SLIRP: variants seen among roughly 807,000 people sequenced by gnomAD.
SLIRP encodes SRA stem-loop interacting RNA binding protein.
A neutral mutation model predicts 13.4 loss-of-function variants in SLIRP; 12 were observed. The observed-to-expected ratio is 0.89, with a 90% CI of 0.57 to 1.45. The LOEUF (loss-of-function observed/expected upper bound fraction) is 1.45, where lower values mean the gene tolerates loss of function less well. Ranked by LOEUF, SLIRP falls within the 40% of genes most tolerant of loss-of-function variation. The pLI, the probability that SLIRP is intolerant of heterozygous loss-of-function variation, is 0.00. For synonymous variants in SLIRP, 55 were observed against 47.1 expected (o/e 1.17, Z -0.69); for missense variants, 154 against 132.2 (o/e 1.17, Z -0.81).
At chr14:77,715,937 A>G in intron 3 of SLIRP, 58 bp downstream of exon 3, 1 of 1,240,276 alleles carries the variant, frequency 8.1e-7, no homozygotes, top group Middle Eastern at 1.9e-4. Context: ...CTATTTAATT[A>G]TGTATCAATT....
At chr14:77,712,468 G>A (rs1376367727) in intron 2 of SLIRP, among the ~76,000 whole-genome samples, 2 of 133,660 alleles carry the variant, frequency 1.5e-5, no homozygotes, top group South Asian at 2.4e-4. Context: ...TTTTTGAGAC[G>A]GAGTCTCACT....
In SLIRP at chr14:77,710,403, A is replaced by G. The variant is rs541952139; in HGVS notation, c.98-435A>G. On this transcript the variant is annotated intron_variant, in intron 1 of 3. Transcript: ENST00000557342. Reference sequence around the variant, plus strand: ...GAGTAACTAGGGGCTAGCAGTGGGAAATAAGGCAGGAAGGGTAGGTGAGGG... The same window carrying G: ...GAGTAACTAGGGGCTAGCAGTGGGAGATAAGGCAGGAAGGGTAGGTGAGGG... Among the ~76,000 whole-genome samples the G allele has an allele frequency of 1.8e-3, 272 of 152,314 alleles. 1 individual carries two copies. The highest frequency in any genetic ancestry group is 6.2e-3 in the African/African-American group (257 of 41,574).
rs369975262 is a variant in SLIRP at position 77,713,210 on chromosome 14, CAA to C, written c.156+2315_156+2316del. 3.7e-4 allele frequency among the ~76,000 whole-genome samples: 56 copies of C among 152,214 alleles called. 2 individuals are homozygous for C. In the East Asian group the frequency reaches 8.9e-3, roughly 24 times the overall value. On this transcript the variant is annotated intron_variant, in intron 2 of 3. Coordinates refer to ENST00000557342, the MANE Select transcript of SLIRP (RefSeq NM_031210.6). ...TTTTTTAGATTTATAACTAATAAAA[CAA>C]TATTTTTATATTAATTACATTTCCT...
intron 1 of SLIRP, 74 bp from the exon 2 acceptor site, chr14:77,710,764 C>A: frequency 6.3e-7 from 1 of 1,594,106 alleles, no homozygotes; most frequent in Non-Finnish European, 8.6e-7. Flanking sequence ...ATCTGGTGAC[C>A]CTGTCTTTCT....
intron 2 of SLIRP, among the ~76,000 whole-genome samples, chr14:77,715,355 G>A (rs1395941693): frequency 1.3e-5 from 2 of 152,156 alleles, no homozygotes; most frequent in Non-Finnish European, 2.9e-5. Flanking sequence ...TCTGTGATCC[G>A]ATTTTTGGCT....
intron 2 of SLIRP, among the ~76,000 whole-genome samples, chr14:77,715,543 G>A (rs755370448): frequency 1.3e-5 from 2 of 152,106 alleles, no homozygotes; most frequent in African/African-American, 2.4e-5. Context: ...TACTGAAGAG[G>A]CTGAGGTGGG....
chr14:77,712,721 C>T (rs1049198931), intron 2 of SLIRP, among the ~76,000 whole-genome samples: 4 of 152,174 alleles, frequency 2.6e-5, no homozygotes, highest in African/African-American at 9.7e-5. Context: ...GCTGGGATTA[C>T]AGGTGTGAGC....
At position 77,710,851 on chromosome 14, in the gene SLIRP, A is replaced by G. The variant is rs1489645532; in HGVS notation, c.111A>G (p.Glu37=). 6.2e-7 allele frequency: 1 copy of G among 1,614,180 alleles called. No individual in the cohort carries two copies. Among genetic ancestry groups the G allele is most frequent in the South Asian group, 1.1e-5 (1 of 91,086 alleles). ...TCTGCCACACAGGTCAGCTGAAAGA[A>G]CACTTTGCACAGTTCGGCCATGTCA... ...PWTAASSQLK[E]HFAQFGHVRR... is the part of the protein sequence containing the mutation. Residue 37 remains glutamate, a synonymous_variant, in exon 2 of 4, where the codon GAA becomes GAG. Coordinates refer to ENST00000557342, the MANE Select transcript of SLIRP (RefSeq NM_031210.6).
chr14:77,710,995 A>G, intron 2 of SLIRP, 99 bp downstream of exon 2: 1 of 959,898 alleles, frequency 1.0e-6, no homozygotes, highest in Admixed American at 2.0e-5. Context: ...CAGGGTGACT[A>G]TGGTCAATAA....
intron 2 of SLIRP, among the ~76,000 whole-genome samples, chr14:77,713,329 T>C (rs1475669514): frequency 3.3e-5 from 5 of 152,212 alleles, no homozygotes; most frequent in Non-Finnish European, 1.5e-5. Flanking sequence ...TGTGAGTACA[T>C]AGAGTTCACA....
At chr14:77,708,657 G>T (rs191416517) in intron 1 of SLIRP, among the ~76,000 whole-genome samples, 1 of 152,184 alleles carries the variant, frequency 6.6e-6, no homozygotes, top group Non-Finnish European at 1.5e-5. Context: ...ATGCCGTTTC[G>T]TGATGGCTTA....
intron 1 of SLIRP, 109 bp from the exon 2 acceptor site, chr14:77,710,729 G>A (rs1374156959): frequency 3.2e-6 from 5 of 1,574,378 alleles, no homozygotes; most frequent in African/African-American, 2.7e-5. Context: ...TTAAGGAAAT[G>A]CAAAGTAGTT....
chr14:77,715,661 A>T, intron 2 of SLIRP, 111 bp from the exon 3 acceptor site: 1 of 875,212 alleles, frequency 1.1e-6, no homozygotes, highest in Non-Finnish European at 1.8e-6. Context: ...AAATAAAATT[A>T]AATTAAAAAG....
chr14:77,717,484 T>G lies in SLIRP; in HGVS notation c.265-12T>G, dbSNP rs773728355. 1 of 1,611,532 alleles carries G rather than the reference T, an allele frequency of 6.2e-7. No individual in the cohort carries two copies. The highest frequency in any genetic ancestry group is 1.1e-5 in the South Asian group (1 of 90,350). The stretch of plus-strand genomic sequence containing the variant: ...ATTGCCTTTCCTCCCTTACAGTGCT[T>G]ATTTTTTTAAGGTCCAGGTTCACAC... On this transcript the variant is annotated splice_polypyrimidine_tract_variant and intron_variant, in intron 3 of 3. Coordinates refer to ENST00000557342, the MANE Select transcript of SLIRP (RefSeq NM_031210.6).
chr14:77,712,715 G>A (rs1235549362), intron 2 of SLIRP, among the ~76,000 whole-genome samples: 1 of 152,112 alleles, frequency 6.6e-6, no homozygotes, highest in South Asian at 2.1e-4. Flanking sequence ...CAAAATGCTG[G>A]GATTACAGGT....
At position 77,715,782 on chromosome 14, in the gene SLIRP, C is replaced by G. The variant is rs1014890578; in HGVS notation, c.167C>G (p.Thr56Ser). The change falls in exon 3 of 4, where the codon ACT (threonine) becomes AGT (serine). Residue 56 changes from threonine (T) to serine (S), a missense_variant. Transcript: ENST00000557342. Reference protein sequence around the residue: ...RRCILPFDKETGFHRGLGWVQ... With the variant: ...RRCILPFDKESGFHRGLGWVQ... ...ATTTTGAATTTTTAGGACAAGGAGA[C>G]TGGCTTTCACAGAGGTTTGGGTTGG... 1 of 1,612,864 alleles carries G rather than the reference C, an allele frequency of 6.2e-7. No homozygotes were observed. Among genetic ancestry groups the G allele is most frequent in the South Asian group, 1.1e-5 (1 of 90,650 alleles).
chr14:77,712,430 C>T (rs534288652), intron 2 of SLIRP, among the ~76,000 whole-genome samples: 3 of 146,772 alleles, frequency 2.0e-5, no homozygotes, highest in Non-Finnish European at 3.0e-5. Flanking sequence ...TGCGCCACCA[C>T]GACCGGCTAA....
At chr14:77,711,032 A>G in intron 2 of SLIRP, 136 bp downstream of exon 2, 1 of 771,920 alleles carries the variant, frequency 1.3e-6, no homozygotes, top group Non-Finnish European at 2.1e-6. Context: ...AATAACTCAG[A>G]GTGTAATTGG....
intron 2 of SLIRP, among the ~76,000 whole-genome samples, chr14:77,713,870 T>A (rs1278202670): frequency 6.6e-6 from 1 of 152,210 alleles, no homozygotes. Context: ...ATGAATAGAT[T>A]TTTATTGGTC....
Sources: gnomAD v4.1 joint callset for allele counts (sites outside exome capture counted in the v4.1 genomes callset) on GRCh38, gnomAD v4.1.1 for gene constraint, MANE v1.5 for transcripts, NCBI Gene and HGNC (gene_info 2026-07-23, HGNC 2026-07-21) for gene names.